ASIC2: variants seen among roughly 807,000 people sequenced by gnomAD.
The protein encoded by ASIC2 is acid sensing ion channel subunit 2.
In ASIC2, 25 loss-of-function variants were observed where a neutral mutation model predicts 57.3. The ratio of observed to expected loss-of-function variants is 0.44; its 90% confidence interval spans 0.32 to 0.61. The LOEUF (loss-of-function observed/expected upper bound fraction) is 0.61. Among genes scored for constraint, ASIC2 ranks in the 20% least tolerant of loss-of-function variants. The pLI is 0.06. For synonymous variants in ASIC2, 319 were observed against 307.5 expected, an observed-to-expected ratio of 1.04 and a Z score of -0.39; for missense variants, 641 against 738.1, an observed-to-expected ratio of 0.87 and a Z score of 1.52.
At chr17:33,430,073 C>T (rs943027174) in intron 1 of ASIC2, among the ~76,000 whole-genome samples, 1 of 152,178 alleles carries the variant, frequency 6.6e-6, no homozygotes, top group Non-Finnish European at 1.5e-5. Context: ...TCTCCAGTCC[C>T]ATCCCCAGAA....
intron 2 of ASIC2, among the ~76,000 whole-genome samples, chr17:33,096,741 C>G (rs529463105): frequency 6.6e-6 from 1 of 152,166 alleles, no homozygotes; most frequent in South Asian, 2.1e-4. Flanking sequence ...TCAGGAAAGG[C>G]CTGTTCAAGG....
chr17:33,712,522 C>CTT (rs1020256387), intron 1 of ASIC2, among the ~76,000 whole-genome samples: 8 of 151,144 alleles, frequency 5.3e-5, no homozygotes, highest in African/African-American at 1.9e-4. Context: ...TTTAGCAGGT[C>CTT]TTCTGCCTCT....
intron 1 of ASIC2, among the ~76,000 whole-genome samples, chr17:34,048,573 C>G (rs1908424379): frequency 6.6e-6 from 1 of 152,112 alleles, no homozygotes; most frequent in African/African-American, 2.4e-5. Context: ...GACTTGAAAT[C>G]AGAAGAACTG....
In ASIC2 at chr17:33,304,704, C is replaced by T. The variant is rs144699965; in HGVS notation, c.556-192637G>A. On this transcript the variant is annotated intron_variant, in intron 1 of 9. Transcript: ENST00000359872. ...GTCTCAATCCATTTTAAACACAAAA[C>T]CCAGCAATGAGTCACATGGTAGATA... is the stretch of plus-strand genomic sequence containing the variant. Among the ~76,000 whole-genome samples, 263 of 152,278 alleles carry T rather than the reference C, an allele frequency of 1.7e-3. 1 individual carries two copies. The highest frequency in any genetic ancestry group is 6.2e-3 in the African/African-American group (257 of 41,544).
At chr17:33,823,493 C>T (rs1234182239) in intron 1 of ASIC2, among the ~76,000 whole-genome samples, 6 of 152,166 alleles carry the variant, frequency 3.9e-5, no homozygotes. Flanking sequence ...CTTCATGTTC[C>T]CATAGGCCAT....
intron 3 of ASIC2, among the ~76,000 whole-genome samples, chr17:33,054,452 C>T (rs116196043): frequency 0.01 from 1,532 of 152,246 alleles, 27 homozygotes; most frequent in African/African-American, 0.034. Context: ...AGGGCTTTTC[C>T]GGTTTCAGCA....
At chr17:33,828,137 G>A (rs770128038) in intron 1 of ASIC2, 1 of 152,114 alleles carries the variant, frequency 6.6e-6, no homozygotes, top group Non-Finnish European at 1.5e-5. Context: ...ATGGGCATTT[G>A]GGTTGGTTCC....
intron 1 of ASIC2, among the ~76,000 whole-genome samples, chr17:33,679,406 C>G (rs1055686362): frequency 6.6e-6 from 1 of 152,194 alleles, no homozygotes; most frequent in Non-Finnish European, 1.5e-5. Flanking sequence ...AGGACTTGTG[C>G]TTCCATTATC....
At chr17:33,024,216 G>A (rs1364570017) in intron 5 of ASIC2, among the ~76,000 whole-genome samples, 1 of 152,178 alleles carries the variant, frequency 6.6e-6, no homozygotes, top group Non-Finnish European at 1.5e-5. Flanking sequence ...TCTTTTAACT[G>A]TCATGTCACT....
At chr17:33,916,457 T>G (rs1003328955) in intron 1 of ASIC2, among the ~76,000 whole-genome samples, 7 of 152,192 alleles carry the variant, frequency 4.6e-5, no homozygotes, top group African/African-American at 1.7e-4. Flanking sequence ...TCTGAATCCC[T>G]GAATCATGCC....
intron 1 of ASIC2, among the ~76,000 whole-genome samples, chr17:33,388,225 T>A (rs1339938568): frequency 6.6e-6 from 1 of 152,246 alleles, no homozygotes; most frequent in Non-Finnish European, 1.5e-5. Context: ...CAGCAGAAGC[T>A]GAAAGAGGCG....
intron 1 of ASIC2, among the ~76,000 whole-genome samples, chr17:33,506,799 A>G (rs1366963386): frequency 6.6e-6 from 1 of 152,190 alleles, no homozygotes; most frequent in Non-Finnish European, 1.5e-5. Context: ...GTCAATGTAA[A>G]TAAAAAAACA....
intron 1 of ASIC2, among the ~76,000 whole-genome samples, chr17:34,035,844 CA>C (rs1328252409): frequency 6.6e-6 from 1 of 152,106 alleles, no homozygotes; most frequent in Non-Finnish European, 1.5e-5. Context: ...TACCATCTCA[CA>C]CCAGTTAGAA....
In ASIC2 at chr17:33,316,924, G is replaced by A. The variant is rs532060649; in HGVS notation, c.556-204857C>T. ...CACCCTGGGAGCTGGTGCTGACAAG[G>A]TACTACACTCTGTGCTAATCAGCAC... On this transcript the variant is annotated intron_variant, in intron 1 of 9. Transcript: ENST00000359872. Among the ~76,000 whole-genome samples, 196 of 152,278 alleles carry A rather than the reference G, an allele frequency of 1.3e-3. 1 individual carries two copies. The highest frequency in any genetic ancestry group is 2.6e-3 in the Non-Finnish European group (174 of 68,022).
chr17:33,752,111 TG>T (rs1211236490), intron 1 of ASIC2, among the ~76,000 whole-genome samples: 9 of 152,256 alleles, frequency 5.9e-5, no homozygotes, highest in African/African-American at 2.2e-4. Context: ...GGTTGCAGTC[TG>T]GGTAGAGACT....
rs911249304 is a variant in ASIC2 at position 34,035,620 on chromosome 17, T to C, written c.555+120358A>G. Among the ~76,000 whole-genome samples, 5 of 152,164 alleles carry C rather than the reference T, an allele frequency of 3.3e-5. No individual in the cohort carries two copies. In the South Asian group the frequency reaches 6.2e-4, roughly 19 times the overall value. ...AACCTACAGAACAGGAAAAAATTTT[T>C]GCAACCTACTCATCTGACAAAGGGC... On this transcript the variant is annotated intron_variant, in intron 1 of 9. Transcript: ENST00000359872.
In ASIC2 at chr17:33,744,999, A is replaced by AT. The variant is rs569886630; in HGVS notation, c.555+410978dup. On this transcript the variant is annotated intron_variant, in intron 1 of 9. Coordinates refer to the ASIC2 transcript ENST00000359872. ...AGGATAGATCAACAGAGATTATTCA[A>AT]TCCAAAGAACAGAGAGAAAATAAAA... Among the ~76,000 whole-genome samples, 22 of 152,394 alleles carry AT rather than the reference A, an allele frequency of 1.4e-4. No homozygotes were observed. The East Asian group carries it at 4.2e-3, about 29-fold the overall frequency.
At chr17:33,397,791 G>T (rs1243927266) in intron 1 of ASIC2, among the ~76,000 whole-genome samples, 1 of 152,158 alleles carries the variant, frequency 6.6e-6, no homozygotes, top group Admixed American at 6.5e-5. Flanking sequence ...GCCCCATTGG[G>T]CATTTTCCAT....
intron 3 of ASIC2, among the ~76,000 whole-genome samples, chr17:33,063,953 G>A (rs2092031412): frequency 6.6e-6 from 1 of 152,084 alleles, no homozygotes; most frequent in South Asian, 2.1e-4. Context: ...TGATCGAATC[G>A]GTTACTGAAG....
Sources: gnomAD v4.1 joint callset for allele counts (sites outside exome capture counted in the v4.1 genomes callset) on GRCh38, gnomAD v4.1.1 for gene constraint, MANE v1.5 for transcripts, NCBI Gene and HGNC (gene_info 2026-07-23, HGNC 2026-07-21) for gene names.